Variants in PDE4D observed in about 807,000 individuals in gnomAD.
The protein encoded by PDE4D is phosphodiesterase 4D, also known as 3',5'-cyclic-AMP phosphodiesterase 4D.
In PDE4D, 24 loss-of-function variants were observed where a neutral mutation model predicts 87.4. The observed-to-expected ratio is 0.27, with a 90% confidence interval of 0.20 to 0.39. The LOEUF is 0.39. Among genes scored for constraint, PDE4D ranks in the 10% least tolerant of loss-of-function variants. The pLI is 1.00. For missense variants in PDE4D, 714 were observed against 1,041.0 expected (o/e 0.69, Z 4.32); for synonymous variants, 384 against 383.2 (o/e 1.00, Z -0.02).
At chr5:59,429,043 C>A (rs528150677) in intron 1 of PDE4D, among the ~76,000 whole-genome samples, 2 of 152,216 alleles carry the variant, frequency 1.3e-5, no homozygotes, top group African/African-American at 2.4e-5. Context: ...TGGGTCTATG[C>A]ATATACACAA....
At chr5:59,540,710 TC>T (rs1348485629) in intron 1 of PDE4D, among the ~76,000 whole-genome samples, 12 of 152,136 alleles carry the variant, frequency 7.9e-5, no homozygotes, top group Admixed American at 7.2e-4. Flanking sequence ...TGTCACATCC[TC>T]CCCCATTTAA....
chr5:60,307,893 T>C (rs1281949364), intron 1 of PDE4D, among the ~76,000 whole-genome samples: 3 of 152,026 alleles, frequency 2.0e-5, no homozygotes, highest in Middle Eastern at 3.4e-3. Flanking sequence ...ATACAAAAAT[T>C]AGTGGGGCAT....
At chr5:58,980,457 C>T (rs887637704) in intron 11 of PDE4D, among the ~76,000 whole-genome samples, 3 of 152,144 alleles carry the variant, frequency 2.0e-5, no homozygotes, top group African/African-American at 7.2e-5. Flanking sequence ...CCACTCAGTG[C>T]CTGGCACACA....
chr5:59,404,947 G>A (rs559877469), intron 1 of PDE4D, among the ~76,000 whole-genome samples: 2 of 152,088 alleles, frequency 1.3e-5, no homozygotes, highest in Admixed American at 1.3e-4. Context: ...TTGTTCCTGG[G>A]TTTTCATGCC....
chr5:60,357,541 T>G (rs569208641), intron 1 of PDE4D, among the ~76,000 whole-genome samples: 1 of 152,342 alleles, frequency 6.6e-6, no homozygotes, highest in African/African-American at 2.4e-5. Context: ...AGCCTGATTT[T>G]TATTTTTTAT....
chr5:59,231,487 G>A (rs549837850), intron 1 of PDE4D, among the ~76,000 whole-genome samples: 10 of 152,260 alleles, frequency 6.6e-5, no homozygotes, highest in Non-Finnish European at 1.0e-4. Flanking sequence ...CGTGAAGGAT[G>A]GTAGAAACAG....
At chr5:59,132,096 A>AATATATAAT (rs1402812909) in intron 5 of PDE4D, among the ~76,000 whole-genome samples, 1 of 152,182 alleles carries the variant, frequency 6.6e-6, no homozygotes, top group African/African-American at 2.4e-5. Context: ...CCCCAAAGCT[A>AATATATAAT]ATATATAATT....
Position 60,179,877 on chromosome 5 carries a change from A to C in PDE4D, c.42+5680T>G, listed in dbSNP as rs75533271. ...TTCTAGAGCAAATACTACTGATAGA[A>C]AACTCCACCAGTTATGCTTTTCTTC... On this transcript the variant is annotated intron_variant, in intron 2 of 16. Transcript: ENST00000502484. Among the ~76,000 whole-genome samples the C allele has an allele frequency of 4.1e-3, 630 of 152,304 alleles. 6 individuals carry two copies. The highest frequency in any genetic ancestry group is 0.014 in the African/African-American group (596 of 41,572).
In PDE4D at chr5:58,991,727, AACC is replaced by A. The variant is rs778891551; in HGVS notation, c.1188+102_1188+104del. The stretch of plus-strand genomic sequence containing the variant: ...CATCTTCAAAAAAAGAAAAAAAAAA[AACC>A]CCAATTAATAAACTTTTCTATCCAT... On this transcript the variant is annotated intron_variant, in intron 8 of 14. Coordinates refer to ENST00000340635, the MANE Select transcript of PDE4D (RefSeq NM_001104631.2). 28 of 220,356 alleles carry A rather than the reference AACC, an allele frequency of 1.3e-4. 1 individual carries two copies. The highest frequency in any genetic ancestry group is 7.9e-4 in the East Asian group (10 of 12,584). The allele number at this position is 220,356 out of a possible 1,614,324, so 13.7% of individuals were successfully genotyped here.
rs1764290019 is a variant in PDE4D, at chr5:59,778,454, G to C, written c.455+114714C>G. ...TTTCTTTCTGAAATTATTATTTTAA[G>C]CTGTAGTAAAATACATATGAATATT... On this transcript the variant is annotated intron_variant, in intron 1 of 14. Coordinates refer to ENST00000340635, the MANE Select transcript of PDE4D (RefSeq NM_001104631.2). 3.3e-5 allele frequency among the ~76,000 whole-genome samples: 5 copies of C among 152,144 alleles called. No individual in the cohort carries two copies. In the South Asian group the frequency reaches 1.0e-3, roughly 31 times the overall value.
At chr5:59,504,026 T>C (rs7707043) in intron 1 of PDE4D, among the ~76,000 whole-genome samples, 38,687 of 152,072 alleles carry the variant, frequency 0.25, 6,893 homozygotes, top group African/African-American at 0.51. Context: ...GTTTCTTTTA[T>C]ATATTGGGGT....
At chr5:59,302,381 A>C (rs181722582) in intron 1 of PDE4D, among the ~76,000 whole-genome samples, 12 of 151,738 alleles carry the variant, frequency 7.9e-5, no homozygotes, top group African/African-American at 2.2e-4. Flanking sequence ...ACTTTTTATA[A>C]AATTTTTTTC....
chr5:60,475,823 G>GAAAA lies in PDE4D; in HGVS notation c.-90+12115_-90+12118dup, dbSNP rs397792795. 2.6e-3 allele frequency among the ~76,000 whole-genome samples: 247 copies of GAAAA among 95,026 alleles called. 4 individuals are homozygous for GAAAA. The highest frequency in any genetic ancestry group is 3.4e-3 in the Non-Finnish European group (153 of 44,964). The allele number at this position is 95,026 out of a possible 152,430, so 62.3% of individuals were successfully genotyped here. ...ACTTCACTTCTCTCATCTGTTAAAT[G>GAAAA]AAAAAAAAAAAAAAAAAAAGACAAT... On this transcript the variant is annotated intron_variant, in intron 1 of 16. Transcript: ENST00000502484.
intron 1 of PDE4D, among the ~76,000 whole-genome samples, chr5:59,751,676 A>G (rs1467548422): frequency 6.6e-6 from 1 of 151,250 alleles, no homozygotes; most frequent in East Asian, 1.9e-4. Context: ...ATCCTTCAAA[A>G]TCTGATTCCA....
chr5:60,108,365 C>T (rs1424638294), intron 2 of PDE4D, among the ~76,000 whole-genome samples: 6 of 151,942 alleles, frequency 3.9e-5, no homozygotes, highest in African/African-American at 1.5e-4. Context: ...AAAGAGGATA[C>T]AAACAAATGG....
intron 3 of PDE4D, among the ~76,000 whole-genome samples, chr5:59,191,925 T>C (rs960419983): frequency 6.6e-6 from 1 of 152,164 alleles, no homozygotes; most frequent in Non-Finnish European, 1.5e-5. Flanking sequence ...GATTTTGCTA[T>C]CACATCATAT....
At chr5:59,976,898 G>T (rs1761393080) in intron 3 of PDE4D, among the ~76,000 whole-genome samples, 1 of 151,946 alleles carries the variant, frequency 6.6e-6, no homozygotes, top group South Asian at 2.1e-4. Context: ...TTAATTTTTG[G>T]GGTGCCACAA....
intron 1 of PDE4D, among the ~76,000 whole-genome samples, chr5:59,345,664 T>C (rs1415085635): frequency 6.6e-6 from 1 of 152,158 alleles, no homozygotes; most frequent in Non-Finnish European, 1.5e-5. Context: ...ACATTGTTAT[T>C]ACAGGCAAAC....
chr5:59,856,580 C>T (rs1040156785), intron 1 of PDE4D, among the ~76,000 whole-genome samples: 2 of 152,136 alleles, frequency 1.3e-5, no homozygotes, highest in African/African-American at 2.4e-5. Context: ...ATTACCGACA[C>T]GGCATCTGCT....
Sources: allele counts gnomAD v4.1 joint callset (sites outside exome capture counted in the v4.1 genomes callset), GRCh38; gene constraint gnomAD v4.1.1; transcripts MANE v1.5; gene names NCBI Gene and HGNC (gene_info 2026-07-23, HGNC 2026-07-21).